The following DOC2B variants were observed in gnomAD, a reference collection of about 807,000 sequenced individuals.
The protein encoded by DOC2B is double C2 domain beta, also known as double C2-like domain-containing protein beta.
Under a neutral mutation model 28.9 loss-of-function variants are expected in DOC2B, and 21 were observed. The observed-to-expected ratio is 0.73, with a 90% CI of 0.52 to 1.05. DOC2B has a LOEUF of 1.05. Ranked by LOEUF, DOC2B falls within the 50% of genes least tolerant of loss-of-function variation. DOC2B has a pLI of 0.00. For synonymous variants in DOC2B, 194 were observed against 178.1 expected (o/e 1.09, Z -0.71); for missense variants, 384 against 421.1 (o/e 0.91, Z 0.77).
intron 1 of DOC2B, among the ~76,000 whole-genome samples, chr17:173,139 G>A (rs1468361520): frequency 6.6e-6 from 1 of 152,214 alleles, no homozygotes; most frequent in Non-Finnish European, 1.5e-5. Context: ...CCCCGAGCAG[G>A]CCGTGAGGAG....
intron 5 of DOC2B, among the ~76,000 whole-genome samples, chr17:160,973 G>A (rs745728885): frequency 6.6e-6 from 1 of 152,080 alleles, no homozygotes; most frequent in African/African-American, 2.4e-5. Context: ...AGCCCCTCAG[G>A]CTTCAGTGGC....
At chr17:152,212 G>A (rs2040080092) in intron 6 of DOC2B, among the ~76,000 whole-genome samples, 1 of 152,198 alleles carries the variant, frequency 6.6e-6, no homozygotes, top group African/African-American at 2.4e-5. Context: ...GCCCAGGGTG[G>A]CACAGCACGT....
chr17:150,036 CA>C (rs2040055368), intron 6 of DOC2B, among the ~76,000 whole-genome samples: 1 of 152,146 alleles, frequency 6.6e-6, no homozygotes, highest in African/African-American at 2.4e-5. Flanking sequence ...GGCTCTGATG[CA>C]GAACAGCTGT....
chr17:156,458 G>A (rs535524113), intron 5 of DOC2B, 81 bp from the exon 6 acceptor site: 87 of 1,474,002 alleles, frequency 5.9e-5, no homozygotes, highest in Non-Finnish European at 6.9e-5. Context: ...TCCTGAGCCC[G>A]CCCATCCGGC....
At chr17:177,182 A>AG (rs1200620726) in intron 1 of DOC2B, among the ~76,000 whole-genome samples, 2 of 152,148 alleles carry the variant, frequency 1.3e-5, no homozygotes, top group Non-Finnish European at 2.9e-5. Context: ...CCGGCACTGC[A>AG]GGGGGGACAG....
At chr17:153,555 G>A (rs748117415) in intron 6 of DOC2B, among the ~76,000 whole-genome samples, 1 of 152,170 alleles carries the variant, frequency 6.6e-6, no homozygotes. Context: ...ACAAAAATTA[G>A]CCTGGCGTGG....
intron 1 of DOC2B, among the ~76,000 whole-genome samples, chr17:177,190 C>G (rs1176304185): frequency 1.3e-5 from 2 of 152,070 alleles, no homozygotes; most frequent in East Asian, 3.9e-4. Context: ...GCAGGGGGGA[C>G]AGAGAGAAAT....
chr17:170,134 G>T (rs757265365), intron 2 of DOC2B, among the ~76,000 whole-genome samples: 39 of 152,218 alleles, frequency 2.6e-4, no homozygotes, highest in Non-Finnish European at 4.8e-4. Context: ...TACAAAGTTG[G>T]ACAGAGGGAA....
intron 6 of DOC2B, among the ~76,000 whole-genome samples, chr17:152,011 A>C (rs1248499133): frequency 6.6e-6 from 1 of 152,168 alleles, no homozygotes; most frequent in Non-Finnish European, 1.5e-5. Context: ...CCCACCCTGC[A>C]AAGCCCCTGA....
intron 5 of DOC2B, among the ~76,000 whole-genome samples, chr17:160,790 C>T (rs553583470): frequency 1.3e-5 from 2 of 152,072 alleles, no homozygotes; most frequent in Non-Finnish European, 2.9e-5. Context: ...TGGAGCAGGC[C>T]GAGGGCAAAT....
intron 2 of DOC2B, among the ~76,000 whole-genome samples, chr17:166,081 G>C (rs2040261405): frequency 6.6e-6 from 1 of 152,192 alleles, no homozygotes; most frequent in Admixed American, 6.5e-5. Context: ...AGTGATGCCT[G>C]CTCTGTCCTT....
At chr17:169,244 C>A (rs771114001) in intron 2 of DOC2B, among the ~76,000 whole-genome samples, 4 of 152,000 alleles carry the variant, frequency 2.6e-5, no homozygotes, top group Non-Finnish European at 4.4e-5. Flanking sequence ...ATCCCGGGGA[C>A]TGCAGACTCA....
rs554926207 is a variant in DOC2B at position 180,668 on chromosome 17, G to A, written c.373+439C>T. Among the ~76,000 whole-genome samples, 104 of 152,080 alleles carry A rather than the reference G, an allele frequency of 6.8e-4. No homozygotes were observed. The South Asian group carries it at 8.5e-3, about 12-fold the overall frequency. ...CAGCTCGCCCCAGCCCCGACCCTCG[G>A]CCGCGAGGCCCTCCCGGAGCGGCTG... On this transcript the variant is annotated intron_variant, in intron 1 of 8. Transcript: ENST00000613549.
rs1342717441 is a variant in DOC2B at position 146,002 on chromosome 17, G to A, written c.*1439C>T. The A allele has an allele frequency of 1.3e-5, 2 of 152,410 alleles. No individual in the cohort carries two copies. The highest frequency in any genetic ancestry group is 2.9e-5 in the Non-Finnish European group (2 of 68,174). 9.4% of individuals were successfully genotyped at this position (152,410 alleles called of 1,614,324 possible). ...ACCCAGCGTTCCTGAGGGGCCCTTGGTAGGCAGAGAAAGTTTGTGGGCTTC... is the reference window on the plus strand; with the variant it reads ...ACCCAGCGTTCCTGAGGGGCCCTTGATAGGCAGAGAAAGTTTGTGGGCTTC... On this transcript the variant is annotated 3_prime_UTR_variant, in exon 9 of 9. Coordinates refer to ENST00000613549, the MANE Select transcript of DOC2B (RefSeq NM_003585.5).
chr17:162,224 A>C, intron 3 of DOC2B, 34 bp from the exon 4 acceptor site: 1 of 1,477,194 alleles, frequency 6.8e-7, no homozygotes, highest in South Asian at 1.2e-5. Context: ...ATTAGCATCA[A>C]AGTGTGTATC....
chr17:159,839 C>T (rs1339311901), intron 5 of DOC2B, among the ~76,000 whole-genome samples: 1 of 148,286 alleles, frequency 6.7e-6, no homozygotes, highest in Non-Finnish European at 1.5e-5. Flanking sequence ...CACACAGACA[C>T]GTACTGACAT....
chr17:165,839 AG>A (rs2040257093), intron 2 of DOC2B, among the ~76,000 whole-genome samples: 1 of 152,248 alleles, frequency 6.6e-6, no homozygotes, highest in East Asian at 1.9e-4. Flanking sequence ...TGGCCTGACC[AG>A]GCGGTGCCTG....
intron 4 of DOC2B, 134 bp downstream of exon 4, chr17:161,947 C>A (rs2040209396): frequency 2.9e-6 from 2 of 688,710 alleles, no homozygotes; most frequent in African/African-American, 3.6e-5. Flanking sequence ...TTCTTCAAGC[C>A]CCCAAGCTGG....
At chr17:156,063 C>A (rs902387372) in intron 6 of DOC2B, 157 bp downstream of exon 6, 4 of 773,610 alleles carry the variant, frequency 5.2e-6, no homozygotes. Flanking sequence ...CCATGCTTAA[C>A]CCCTGGAGTT....
Sources: gnomAD v4.1 joint callset for allele counts (sites outside exome capture counted in the v4.1 genomes callset) on GRCh38, gnomAD v4.1.1 for gene constraint, MANE v1.5 for transcripts, NCBI Gene and HGNC (gene_info 2026-07-23, HGNC 2026-07-21) for gene names.